AK2: variants seen among roughly 807,000 people sequenced by gnomAD.
AK2 encodes adenylate kinase 2, mitochondrial.
A neutral mutation model predicts 24.6 loss-of-function variants in AK2; 15 were observed. The observed-to-expected ratio is 0.61, with a 90% CI of 0.41 to 0.94. AK2 has a LOEUF of 0.94. Ranked by LOEUF, AK2 falls within the 40% of genes least tolerant of loss-of-function variation. The pLI is 0.00. For missense variants in AK2, 257 were observed against 304.1 expected (o/e 0.85, Z 1.15); for synonymous variants, 102 against 114.0 (o/e 0.90, Z 0.67).
intron 2 of AK2, 21 bp from the exon 3 acceptor site, chr1:33,021,724 A>G (rs778215118): frequency 6.3e-7 from 1 of 1,587,762 alleles, no homozygotes; most frequent in African/African-American, 1.3e-5. Context: ...GGAACAAAAT[A>G]GCCTTGGGTT....
intron 1 of AK2, among the ~76,000 whole-genome samples, chr1:33,035,143 T>C (rs929985220): frequency 2.0e-5 from 3 of 152,172 alleles, no homozygotes; most frequent in Non-Finnish European, 4.4e-5. Context: ...GATTACCCAA[T>C]AAATGAGTGT....
intron 1 of AK2, among the ~76,000 whole-genome samples, chr1:33,024,999 A>G (rs1223255963): frequency 6.6e-6 from 1 of 152,148 alleles, no homozygotes; most frequent in African/African-American, 2.4e-5. Flanking sequence ...AGCCTGACCA[A>G]CATGGGGAAA....
intron 2 of AK2, among the ~76,000 whole-genome samples, chr1:33,022,993 G>C (rs1322981663): frequency 1.3e-5 from 2 of 152,158 alleles, no homozygotes; most frequent in Non-Finnish European, 2.9e-5. Context: ...GGGAAAACTA[G>C]ATAGAAATGG....
At chr1:33,023,723 T>C (rs1000109857) in intron 2 of AK2, among the ~76,000 whole-genome samples, 4 of 152,212 alleles carry the variant, frequency 2.6e-5, no homozygotes, top group African/African-American at 9.7e-5. Context: ...AATCCTCTCT[T>C]GAATACATCT....
chr1:33,033,700 G>C (rs1196156137), intron 1 of AK2, among the ~76,000 whole-genome samples: 1 of 152,090 alleles, frequency 6.6e-6, no homozygotes, highest in Non-Finnish European at 1.5e-5. Flanking sequence ...TTTGTGAAGG[G>C]AGAATGGCTA....
intron 4 of AK2, chr1:33,020,081 G>A (rs925069718): frequency 3.3e-6 from 5 of 1,535,254 alleles, no homozygotes; most frequent in Non-Finnish European, 4.4e-6. Context: ...GTGAAACAGG[G>A]TAGAGACAAC....
At chr1:33,019,031 C>T (rs1039955676) in intron 4 of AK2, among the ~76,000 whole-genome samples, 14 of 152,198 alleles carry the variant, frequency 9.2e-5, no homozygotes, top group Admixed American at 5.9e-4. Flanking sequence ...TGGGCAGACA[C>T]GTCTGCTACT....
intron 4 of AK2, among the ~76,000 whole-genome samples, chr1:33,018,461 A>G (rs1639330638): frequency 6.6e-6 from 1 of 152,114 alleles, no homozygotes; most frequent in Non-Finnish European, 1.5e-5. Flanking sequence ...AGAAAAGAAA[A>G]AGATCCATAT....
chr1:33,012,056 A>C lies in AK2; in HGVS notation c.*1125T>G. On this transcript the variant is annotated 3_prime_UTR_variant, in exon 6 of 6. Coordinates refer to ENST00000672715, the MANE Select transcript of AK2 (RefSeq NM_001625.4). ...GGAAACACAGGCAAACATTAAAAAT[A>C]AAAGCAAATAAACCTACCCTGGTCT... 1 of 1,535,482 alleles carries C rather than the reference A, an allele frequency of 6.5e-7. No individual in the cohort carries two copies. The highest frequency in any genetic ancestry group is 8.7e-7 in the Non-Finnish European group (1 of 1,146,728).
intron 1 of AK2, among the ~76,000 whole-genome samples, chr1:33,035,027 AAAG>A (rs1640494712): frequency 6.6e-6 from 1 of 152,178 alleles, no homozygotes; most frequent in African/African-American, 2.4e-5. Context: ...GTCTCAAAAA[AAAG>A]AAAAAGAAAA....
Position 33,035,575 on chromosome 1 carries a change from C to G in AK2, c.93+1161G>C, listed in dbSNP as rs1183625483. On this transcript the variant is annotated intron_variant, in intron 1 of 5. Coordinates refer to ENST00000672715, the MANE Select transcript of AK2 (RefSeq NM_001625.4). ...AGGCAAGAGCCAGAGGCTTAGGGCC[C>G]CAGGTGCAATGCCAGACCCCAAGCA... is the stretch of plus-strand genomic sequence containing the variant. 2.6e-5 allele frequency among the ~76,000 whole-genome samples: 4 copies of G among 152,312 alleles called. No homozygotes were observed. The East Asian group carries it at 7.7e-4, about 29-fold the overall frequency.
At chr1:33,023,825 A>C (rs1388642221) in intron 2 of AK2, among the ~76,000 whole-genome samples, 1 of 152,240 alleles carries the variant, frequency 6.6e-6, no homozygotes, top group African/African-American at 2.4e-5. Flanking sequence ...CTTCAAGAAT[A>C]CTATGAATGA....
intron 4 of AK2, 77 bp downstream of exon 4, chr1:33,021,290 G>C: frequency 1.6e-6 from 2 of 1,284,408 alleles, no homozygotes. Context: ...CTTCATGGCC[G>C]GGATTAGGCA....
At chr1:33,025,188 C>CAAAAAAA (rs386366656) in intron 1 of AK2, among the ~76,000 whole-genome samples, 3 of 68,394 alleles carry the variant, frequency 4.4e-5, no homozygotes, top group South Asian at 1.0e-3. Flanking sequence ...GACTTCGTCT[C>CAAAAAAA]AAAAAAAAAA....
At chr1:33,020,033 C>A in intron 4 of AK2, 1 of 1,528,238 alleles carries the variant, frequency 6.5e-7, no homozygotes, top group South Asian at 1.2e-5. Context: ...AAGCTTCTGT[C>A]ATACTTCTGG....
At chr1:33,027,493 G>C (rs1466066880) in intron 1 of AK2, among the ~76,000 whole-genome samples, 1 of 152,200 alleles carries the variant, frequency 6.6e-6, no homozygotes, top group Non-Finnish European at 1.5e-5. Context: ...TGTAATCCCA[G>C]AACTTTGGGA....
chr1:33,023,067 G>T (rs183015950), intron 2 of AK2, among the ~76,000 whole-genome samples: 1 of 152,218 alleles, frequency 6.6e-6, no homozygotes, highest in East Asian at 1.9e-4. Context: ...GTAACTTGAG[G>T]ATTAAAGCAA....
At position 33,009,958 on chromosome 1, in the gene AK2, C is replaced by T; in HGVS notation, c.*3223G>A. ...ATATTTTATTGATTTAGGGGCCAAA[C>T]AAGGCAGCATTTGGTCAGTTAAGAA... On this transcript the variant is annotated 3_prime_UTR_variant, in exon 6 of 6. Coordinates refer to ENST00000672715, the MANE Select transcript of AK2 (RefSeq NM_001625.4). 1 of 454,592 alleles carries T rather than the reference C, an allele frequency of 2.2e-6. No individual in the cohort carries two copies. Among genetic ancestry groups the T allele is most frequent in the Non-Finnish European group, 4.4e-6 (1 of 226,804 alleles). The allele number at this position is 454,592 out of a possible 1,614,324, so 28.2% of individuals were successfully genotyped here.
intron 1 of AK2, among the ~76,000 whole-genome samples, chr1:33,028,819 T>C (rs1282864806): frequency 6.6e-6 from 1 of 152,160 alleles, no homozygotes; most frequent in African/African-American, 2.4e-5. Context: ...TTATCAATCA[T>C]CTAGGGCATT....
Sources: allele counts gnomAD v4.1 joint callset (sites outside exome capture counted in the v4.1 genomes callset), GRCh38; gene constraint gnomAD v4.1.1; transcripts MANE v1.5; gene names NCBI Gene and HGNC (gene_info 2026-07-23, HGNC 2026-07-21).